ASAP2: variants seen among roughly 807,000 people sequenced by gnomAD.
The protein encoded by ASAP2 is arf-GAP with SH3 domain, ANK repeat and PH domain-containing protein 2.
Under a neutral mutation model 131.4 loss-of-function variants are expected in ASAP2, and 45 were observed. That is an observed-to-expected ratio of 0.34 (90% CI 0.27 to 0.44). The LOEUF (loss-of-function observed/expected upper bound fraction) is 0.44. ASAP2 is among the 20% of genes least tolerant of loss of function. The pLI is 1.00. For missense variants in ASAP2, 1,011 were observed against 1,297.0 expected, an observed-to-expected ratio of 0.78 and a Z score of 3.39; for synonymous variants, 510 against 503.0, an observed-to-expected ratio of 1.01 and a Z score of -0.19.
At chr2:9,244,220 C>T (rs1664178210) in intron 1 of ASAP2, among the ~76,000 whole-genome samples, 1 of 152,054 alleles carries the variant, frequency 6.6e-6, no homozygotes, top group African/African-American at 2.4e-5. Flanking sequence ...CACTTGAACC[C>T]GGGAGGTGGA....
At chr2:9,316,313 A>G (rs1409570991) in intron 3 of ASAP2, among the ~76,000 whole-genome samples, 2 of 151,056 alleles carry the variant, frequency 1.3e-5, no homozygotes, top group African/African-American at 4.8e-5. Context: ...AAAAAAAAAG[A>G]AAAAAAAATT....
intron 3 of ASAP2, among the ~76,000 whole-genome samples, chr2:9,317,526 A>C (rs1669827176): frequency 7.0e-6 from 1 of 143,634 alleles, no homozygotes; most frequent in South Asian, 2.3e-4. Context: ...CACACCCCAC[A>C]CTCAAATCCA....
Position 9,229,149 on chromosome 2 carries a change from GC to G in ASAP2, c.126+21927del, listed in dbSNP as rs56706792. Among the ~76,000 whole-genome samples, 455 of 151,528 alleles carry G rather than the reference GC, an allele frequency of 3.0e-3. 4 individuals are homozygous for G. Among genetic ancestry groups the G allele is most frequent in the African/African-American group, 0.01 (421 of 41,274 alleles). ...TACTAAACATCTGTACAGATGTGGA[GC>G]CCCCCCCGCATCATCACACTTAACT... is the stretch of plus-strand genomic sequence containing the variant. On this transcript the variant is annotated intron_variant, in intron 1 of 27. Coordinates refer to ENST00000281419, the MANE Select transcript of ASAP2 (RefSeq NM_003887.3).
At chr2:9,226,862 G>GGA (rs1662806859) in intron 1 of ASAP2, among the ~76,000 whole-genome samples, 1 of 152,178 alleles carries the variant, frequency 6.6e-6, no homozygotes. Flanking sequence ...CGGGAGGTCT[G>GGA]GAGAGAGATT....
At chr2:9,277,680 C>G (rs1490079025) in intron 1 of ASAP2, among the ~76,000 whole-genome samples, 1 of 152,198 alleles carries the variant, frequency 6.6e-6, no homozygotes, top group East Asian at 1.9e-4. Context: ...AAGTGGTATG[C>G]TGGTGACCCT....
chr2:9,379,357 G>A (rs1236287641), intron 19 of ASAP2, among the ~76,000 whole-genome samples: 1 of 152,188 alleles, frequency 6.6e-6, no homozygotes, highest in Non-Finnish European at 1.5e-5. Flanking sequence ...GACAAGGTTG[G>A]GGAATTTTGA....
intron 2 of ASAP2, among the ~76,000 whole-genome samples, chr2:9,284,326 A>C (rs1218026489): frequency 6.6e-6 from 1 of 152,168 alleles, no homozygotes; most frequent in African/African-American, 2.4e-5. Flanking sequence ...CACTGTTAAC[A>C]CTTTAAATAT....
At chr2:9,285,220 G>A (rs531228910) in intron 2 of ASAP2, among the ~76,000 whole-genome samples, 12 of 152,246 alleles carry the variant, frequency 7.9e-5, no homozygotes, top group Non-Finnish European at 1.0e-4. Flanking sequence ...AGAATACCCC[G>A]GGGTCTTGTT....
intron 2 of ASAP2, among the ~76,000 whole-genome samples, chr2:9,283,451 G>A (rs1353809613): frequency 6.6e-6 from 1 of 152,186 alleles, no homozygotes; most frequent in Non-Finnish European, 1.5e-5. Context: ...GTCTCACTGG[G>A]CTAAAATGAA....
intron 3 of ASAP2, among the ~76,000 whole-genome samples, chr2:9,301,036 G>A (rs972243981): frequency 3.3e-5 from 5 of 152,244 alleles, no homozygotes; most frequent in African/African-American, 1.2e-4. Context: ...GGCAAATGGG[G>A]AGCGGATTAT....
At chr2:9,393,775 A>T (rs1675908666) in intron 24 of ASAP2, 128 bp downstream of exon 24, 24 of 1,005,458 alleles carry the variant, frequency 2.4e-5, no homozygotes, top group Non-Finnish European at 3.4e-5. Context: ...TAACTAATTC[A>T]TCGGGGCTGA....
At chr2:9,314,294 A>G (rs980909800) in intron 3 of ASAP2, among the ~76,000 whole-genome samples, 4 of 152,182 alleles carry the variant, frequency 2.6e-5, no homozygotes, top group Admixed American at 1.3e-4. Flanking sequence ...TCCTTTGTAA[A>G]TTTACCTACT....
chr2:9,382,074 C>T (rs1055501770), intron 20 of ASAP2, among the ~76,000 whole-genome samples: 1 of 151,052 alleles, frequency 6.6e-6, no homozygotes, highest in Non-Finnish European at 1.5e-5. Context: ...ACCTCCGCCT[C>T]CCAGGTTTAA....
chr2:9,270,988 T>C (rs917755680), intron 1 of ASAP2, among the ~76,000 whole-genome samples: 4 of 151,266 alleles, frequency 2.6e-5, no homozygotes, highest in Admixed American at 6.6e-5. Flanking sequence ...AGAGACGGGG[T>C]TTCACCGTGT....
Position 9,207,974 on chromosome 2 carries a change from A to ACGCT in ASAP2, c.126+746_126+749dup, listed in dbSNP as rs1453944768. On this transcript the variant is annotated intron_variant, in intron 1 of 27. Coordinates refer to ENST00000281419, the MANE Select transcript of ASAP2 (RefSeq NM_003887.3). The surrounding 1 kb of genome is among the most constrained non-coding windows in gnomAD (Gnocchi z 4.1). ...TCATCACGCCTAGCTGCTAAGCAGT[A>ACGCT]CGCTCTCCAGGTCCTGGGGAGAGGA... Among the ~76,000 whole-genome samples the ACGCT allele has an allele frequency of 1.3e-5, 2 of 152,178 alleles. No homozygotes were observed. The highest frequency in any genetic ancestry group is 2.4e-5 in the African/African-American group (1 of 41,446).
chr2:9,312,782 T>C (rs1234746259), intron 3 of ASAP2, among the ~76,000 whole-genome samples: 1 of 152,136 alleles, frequency 6.6e-6, no homozygotes, highest in Non-Finnish European at 1.5e-5. Context: ...TCCTAACTCA[T>C]CCGTACACCC....
In ASAP2 at chr2:9,259,607, C is replaced by T. The variant is rs375934864; in HGVS notation, c.127-19710C>T. ...ACAGCACCATCTGCATCTCTTTGGC[C>T]CTCGCCTCTGTCTCCACCTTGCTCC... On this transcript the variant is annotated intron_variant, in intron 1 of 27. Transcript: ENST00000281419. Among the ~76,000 whole-genome samples, 19 of 152,344 alleles carry T rather than the reference C, an allele frequency of 1.2e-4. No individual in the cohort carries two copies. The South Asian group carries it at 3.7e-3, about 30-fold the overall frequency.
intron 1 of ASAP2, among the ~76,000 whole-genome samples, chr2:9,244,954 G>A (rs1664232037): frequency 6.6e-6 from 1 of 152,144 alleles, no homozygotes; most frequent in Admixed American, 6.5e-5. Context: ...AGGGTGACAC[G>A]ATGGTGTGTG....
At chr2:9,323,939 G>A (rs1463751182) in intron 6 of ASAP2, among the ~76,000 whole-genome samples, 3 of 152,210 alleles carry the variant, frequency 2.0e-5, no homozygotes, top group Admixed American at 2.0e-4. Context: ...TGCCAGGTAC[G>A]TGTATACAAA....
Sources: allele counts gnomAD v4.1 joint callset (sites outside exome capture counted in the v4.1 genomes callset), GRCh38; gene constraint gnomAD v4.1.1; non-coding constraint Gnocchi (gnomAD v3.1); transcripts MANE v1.5; gene names NCBI Gene and HGNC (gene_info 2026-07-23, HGNC 2026-07-21).